Variants in ACKR2 observed in about 807,000 individuals in gnomAD.
ACKR2 encodes C-C chemokine receptor D6.
For missense variants in ACKR2, 457 were observed against 477.3 expected, an observed-to-expected ratio of 0.96 and a Z score of 0.40; for synonymous variants, 207 against 192.2, an observed-to-expected ratio of 1.08 and a Z score of -0.64.
chr3:42,842,683 A>G (rs779479208), intron 2 of ACKR2, among the ~76,000 whole-genome samples: 3 of 152,168 alleles, frequency 2.0e-5, no homozygotes, highest in Non-Finnish European at 4.4e-5. Flanking sequence ...ACCACCCAGA[A>G]GCAGGTTATG....
chr3:42,865,627 C>T lies in ACKR2; in HGVS notation c.1125C>T (p.Asn375=). ...LGERQSENYP[N]KEDVGNKSA is the part of the protein sequence containing the mutation. ...AGAGGCAGTCTGAGAACTACCCTAA[C>T]AAGGAGGATGTGGGGAATAAATCAG... The change falls in exon 3 of 3, where the codon AAC becomes AAT. Residue 375 remains asparagine (N), a synonymous_variant. Transcript: ENST00000422265. The T allele has an allele frequency of 6.2e-7, 1 of 1,612,628 alleles. No homozygotes were observed. The highest frequency in any genetic ancestry group is 8.5e-7 in the Non-Finnish European group (1 of 1,179,192).
At chr3:42,810,735 C>T (rs750944680) in intron 1 of ACKR2, among the ~76,000 whole-genome samples, 14 of 152,334 alleles carry the variant, frequency 9.2e-5, no homozygotes, top group Non-Finnish European at 1.9e-4. Context: ...TGTTCAAGTG[C>T]GCTCTCATGG....
Position 42,864,839 on chromosome 3 carries a change from G to T in ACKR2, c.337G>T (p.Gly113Trp). The stretch of plus-strand genomic sequence containing the variant: ...CTCCGTGGCCTGGCATTGGGTCTTC[G>T]GGAGTTTCTTGTGCAAGATGGTGAG... ...GISVAWHWVF[G>W]SFLCKMVSTL... Residue 113 changes from glycine to tryptophan, a missense_variant, in exon 3 of 3, where the codon GGG (glycine) becomes TGG (tryptophan). Physicochemically the swap from Gly to Trp is radical, Grantham distance 184. Transcript: ENST00000422265. 1 of 1,614,030 alleles carries T rather than the reference G, an allele frequency of 6.2e-7. No homozygotes were observed. The highest frequency in any genetic ancestry group is 8.5e-7 in the Non-Finnish European group (1 of 1,180,030).
intron 1 of ACKR2, among the ~76,000 whole-genome samples, chr3:42,812,734 T>C (rs1700708728): frequency 1.6e-5 from 2 of 125,308 alleles, no homozygotes; most frequent in Non-Finnish European, 3.2e-5. Context: ...TTGCTCAGGC[T>C]GGAGTGCACT....
chr3:42,840,654 T>A (rs947890491), intron 2 of ACKR2, among the ~76,000 whole-genome samples: 1 of 152,244 alleles, frequency 6.6e-6, no homozygotes, highest in African/African-American at 2.4e-5. Context: ...TAAATTATGA[T>A]ACTCTATGTT....
intron 1 of ACKR2, 77 bp from the exon 2 acceptor site, chr3:42,819,554 T>C (rs986059774): frequency 2.0e-5 from 3 of 152,146 alleles, no homozygotes; most frequent in Non-Finnish European, 4.4e-5. Context: ...TTGAGTTCCA[T>C]GATTATGCAT....
intron 2 of ACKR2, among the ~76,000 whole-genome samples, chr3:42,823,445 CAA>C (rs1324216472): frequency 2.0e-5 from 3 of 152,258 alleles, no homozygotes; most frequent in Middle Eastern, 3.4e-3. Context: ...ATAATTTATT[CAA>C]GTGTCTCTCT....
rs12488039 is a variant in ACKR2, at chr3:42,825,869, T to G, written c.-38+6158T>G. 3.0e-4 allele frequency among the ~76,000 whole-genome samples: 46 copies of G among 151,188 alleles called. 1 individual carries two copies. The highest frequency in any genetic ancestry group is 3.4e-3 in the Middle Eastern group (1 of 292). On this transcript the variant is annotated intron_variant, in intron 2 of 2. Coordinates refer to ENST00000422265, the MANE Select transcript of ACKR2 (RefSeq NM_001296.5). ...GCTCTGGGTTTTTTTTTTTTTGTTT[T>G]TTTTTTTTGTAGATACCATTAATCA...
intron 2 of ACKR2, among the ~76,000 whole-genome samples, chr3:42,858,111 A>G (rs1476952166): frequency 6.6e-6 from 1 of 152,330 alleles, no homozygotes; most frequent in African/African-American, 2.4e-5. Flanking sequence ...GCAGACTTAA[A>G]TGTTCCTGCC....
intron 2 of ACKR2, chr3:42,856,476 A>G: frequency 1.4e-6 from 1 of 696,208 alleles, no homozygotes; most frequent in Non-Finnish European, 2.6e-6. Context: ...GTCTGCCTGA[A>G]AAAAGGGGAT....
At position 42,857,627 on chromosome 3, in the gene ACKR2, A is replaced by G. The variant is rs116177715; in HGVS notation, c.-37-6839A>G. 2.4e-3 allele frequency among the ~76,000 whole-genome samples: 368 copies of G among 152,378 alleles called. 3 individuals carry two copies. The highest frequency in any genetic ancestry group is 8.6e-3 in the African/African-American group (357 of 41,602). On this transcript the variant is annotated intron_variant, in intron 2 of 2. Coordinates refer to ENST00000422265, the MANE Select transcript of ACKR2 (RefSeq NM_001296.5). ...TTTAGTAGGTTCTGAGCCCATCAAC[A>G]TGATGGATCACACCTTTCTGCTGCG...
At position 42,864,521 on chromosome 3, in the gene ACKR2, C is replaced by G; in HGVS notation, c.19C>G (p.Pro7Ala). 1 of 1,604,842 alleles carries G rather than the reference C, an allele frequency of 6.2e-7. No homozygotes were observed. The highest frequency in any genetic ancestry group is 8.5e-7 in the Non-Finnish European group (1 of 1,174,132). ...TTCCAACATGGCCGCCACTGCCTCT[C>G]CGCAGCCACTCGCCACTGAGGATGC... The part of the protein sequence containing the change: MAATAS[P>A]QPLATEDADS... The change falls in exon 3 of 3, where the codon CCG (proline) becomes GCG (alanine). Residue 7 changes from proline (P) to alanine (A), a missense_variant. Transcript: ENST00000422265.
At chr3:42,831,738 C>T (rs1297344086) in intron 2 of ACKR2, among the ~76,000 whole-genome samples, 1 of 152,182 alleles carries the variant, frequency 6.6e-6, no homozygotes, top group African/African-American at 2.4e-5. Context: ...CTTTAGAGTT[C>T]TCTTCAATTC....
intron 2 of ACKR2, among the ~76,000 whole-genome samples, chr3:42,864,174 A>G (rs929811789): frequency 1.3e-5 from 2 of 152,214 alleles, no homozygotes; most frequent in African/African-American, 4.8e-5. Flanking sequence ...ATGAAGAAAC[A>G]AAACCATAAT....
At chr3:42,864,422 G>T in intron 2 of ACKR2, 44 bp from the exon 3 acceptor site, 1 of 1,507,034 alleles carries the variant, frequency 6.6e-7, no homozygotes. Context: ...TGGGTTTAGA[G>T]AAAGGTAGAG....
intron 2 of ACKR2, among the ~76,000 whole-genome samples, chr3:42,821,046 G>A (rs765717965): frequency 1.9e-4 from 29 of 151,906 alleles, no homozygotes; most frequent in East Asian, 1.4e-3. Context: ...CACCATGCCC[G>A]GCTAATTTTT....
Position 42,864,763 on chromosome 3 carries a change from T to A in ACKR2, c.261T>A (p.Asn87Lys), listed in dbSNP as rs374359043. ...RRRMVEIYLLNLAISNLLFLV... is the reference protein window; with the variant it reads ...RRRMVEIYLLKLAISNLLFLV... ...GGATGGTTGAGATCTATCTGCTGAA[T>A]CTGGCCATCTCCAACCTTCTGTTTC... The change falls in exon 3 of 3, where the codon AAT becomes AAA. Residue 87 changes from asparagine (N) to lysine (K), a missense_variant. Asn to Lys is a moderately conservative substitution (Grantham distance 94, BLOSUM62 0). Coordinates refer to ENST00000422265, the MANE Select transcript of ACKR2 (RefSeq NM_001296.5). The A allele has an allele frequency of 8.4e-5, 136 of 1,614,240 alleles. No individual in the cohort carries two copies. Among genetic ancestry groups the A allele is most frequent in the Middle Eastern group, 4.9e-4 (3 of 6,062 alleles).
chr3:42,849,681 T>C (rs552622885), intron 2 of ACKR2, among the ~76,000 whole-genome samples: 6 of 152,256 alleles, frequency 3.9e-5, no homozygotes, highest in Admixed American at 3.9e-4. Flanking sequence ...AACAGCTGGA[T>C]TGGTTACAGC....
At chr3:42,851,494 G>A in intron 2 of ACKR2, 1 of 939,724 alleles carries the variant, frequency 1.1e-6, no homozygotes, top group Non-Finnish European at 1.3e-6. Flanking sequence ...GTGGGGGTGA[G>A]ACTTCCCAGG....
Sources: gnomAD v4.1 joint callset for allele counts (sites outside exome capture counted in the v4.1 genomes callset) on GRCh38, gnomAD v4.1.1 for gene constraint, MANE v1.5 for transcripts, NCBI Gene and HGNC (gene_info 2026-07-23, HGNC 2026-07-21) for gene names.